The following OR2C1 variants were observed in gnomAD, a reference collection of about 807,000 sequenced individuals.
The protein encoded by OR2C1 is olfactory receptor 2C1.
For missense variants in OR2C1, 468 were observed against 388.3 expected, an observed-to-expected ratio of 1.21 and a Z score of -1.73; for synonymous variants, 209 against 167.3, an observed-to-expected ratio of 1.25 and a Z score of -1.92.
Position 3,356,855 on chromosome 16 carries a change from G to A in OR2C1, c.915G>A (p.Leu305=). The change falls in exon 1 of 1, where the codon CTG becomes CTA. Residue 305 remains leucine, a synonymous_variant. Coordinates refer to ENST00000304936, the MANE Select transcript of OR2C1 (RefSeq NM_012368.3). The stretch of plus-strand genomic sequence containing the variant: ...TGAAGGGCGCACTGAGGAGGTTGCT[G>A]GGGAAAGGAAGAGAAGTTGGCTGAG... ...MEVKGALRRL[L]GKGREVG The A allele has an allele frequency of 2.5e-6, 4 of 1,600,886 alleles. No individual in the cohort carries two copies. The highest frequency in any genetic ancestry group is 1.3e-5 in the African/African-American group (1 of 74,776).
the OR2C1 span, among the ~76,000 whole-genome samples, chr16:3,326,926 C>T: frequency 1.3e-5 from 2 of 152,160 alleles, no homozygotes; most frequent in Non-Finnish European, 2.9e-5. Flanking sequence ...CAAGCATCAC[C>T]TCATACCTAG....
the OR2C1 span, among the ~76,000 whole-genome samples, chr16:3,327,966 C>G: frequency 1.3e-5 from 2 of 152,076 alleles, no homozygotes; most frequent in Admixed American, 1.3e-4. Flanking sequence ...AGCATTTGAC[C>G]ATCCCATTTG....
chr16:3,348,611 A>G, the OR2C1 span, among the ~76,000 whole-genome samples: 1 of 152,162 alleles, frequency 6.6e-6, no homozygotes, highest in Non-Finnish European at 1.5e-5. Context: ...GGCCAGGCCC[A>G]CAGGACAGTG....
At chr16:3,347,862 GCACACA>G in the OR2C1 span, among the ~76,000 whole-genome samples, 28 of 34,960 alleles carry the variant, frequency 8.0e-4, no homozygotes, top group East Asian at 0.03. Context: ...GCACACACGC[GCACACA>G]CACACGCACA....
At chr16:3,348,368 G>A in the OR2C1 span, among the ~76,000 whole-genome samples, 4 of 152,168 alleles carry the variant, frequency 2.6e-5, no homozygotes, top group African/African-American at 7.2e-5. Context: ...CCAGTTCCTC[G>A]TAAGTATGGA....
the OR2C1 span, among the ~76,000 whole-genome samples, chr16:3,342,737 C>T: frequency 2.6e-5 from 4 of 151,996 alleles, no homozygotes; most frequent in Admixed American, 1.3e-4. Flanking sequence ...AATTACCAGG[C>T]GCAGTGGCAG....
rs1477596746 is a variant in OR2C1 at position 3,356,795 on chromosome 16, G to A, written c.855G>A (p.Val285=). ...SLFYSLVTPM[V]NPLIYTLRNM... is the part of the protein sequence containing the mutation. ...TCTACTCGTTGGTCACACCCATGGT[G>A]AATCCCCTCATCTACACGCTGCGGA... Residue 285 remains valine, a synonymous_variant, in exon 1 of 1, where the codon GTG becomes GTA. Transcript: ENST00000304936. The A allele has an allele frequency of 1.2e-6, 2 of 1,614,172 alleles. No homozygotes were observed. Among genetic ancestry groups the A allele is most frequent in the Admixed American group, 1.7e-5 (1 of 60,012 alleles).
At chr16:3,329,785 C>G in the OR2C1 span, among the ~76,000 whole-genome samples, 4 of 90,934 alleles carry the variant, frequency 4.4e-5, no homozygotes, top group South Asian at 1.2e-3. Flanking sequence ...GGTGGAGTCT[C>G]ACTCTGTTGC....
chr16:3,328,666 C>G, the OR2C1 span, among the ~76,000 whole-genome samples: 3 of 152,170 alleles, frequency 2.0e-5, no homozygotes, highest in Non-Finnish European at 2.9e-5. Context: ...TCTGTGCTCA[C>G]CCTCCCTCTC....
chr16:3,348,383 G>A, the OR2C1 span, among the ~76,000 whole-genome samples: 3 of 152,166 alleles, frequency 2.0e-5, no homozygotes, highest in East Asian at 1.9e-4. Context: ...TATGGATTTG[G>A]GAGTTAGACC....
chr16:3,332,720 C>CATATATATATATATATATATAT, the OR2C1 span, among the ~76,000 whole-genome samples: 329 of 148,694 alleles, frequency 2.2e-3, 2 homozygotes, highest in African/African-American at 7.8e-3. Flanking sequence ...TATTCTATTG[C>CATATATATATATATATATATAT]ATATATATAT....
the OR2C1 span, among the ~76,000 whole-genome samples, chr16:3,348,192 G>A: frequency 6.6e-6 from 1 of 152,184 alleles, no homozygotes; most frequent in Non-Finnish European, 1.5e-5. Context: ...ATGCCTATGG[G>A]ACAGTGCAGA....
Position 3,355,993 on chromosome 16 carries a change from C to A in OR2C1, c.53C>A (p.Ser18Ter). The A allele has an allele frequency of 6.2e-7, 1 of 1,613,882 alleles. No homozygotes were observed. Among genetic ancestry groups the A allele is most frequent in the Non-Finnish European group, 8.5e-7 (1 of 1,179,834 alleles). The change falls in exon 1 of 1, where the codon TCA becomes TAA. Residue 18 changes from serine to a stop codon, truncating the protein, a stop_gained. Transcript: ENST00000304936. LOFTEE classifies it low-confidence loss of function (END_TRUNC). Reference sequence around the variant, plus strand: ...CAGGGCTTTGTTCTGATGGGCATATCAGACCATCCCCAGCTGGAGATGATC... The same window carrying A: ...CAGGGCTTTGTTCTGATGGGCATATAAGACCATCCCCAGCTGGAGATGATC... ...SLQGFVLMGI[S>*]DHPQLEMIFF...
chr16:3,327,372 C>T, the OR2C1 span, among the ~76,000 whole-genome samples: 14 of 152,058 alleles, frequency 9.2e-5, no homozygotes, highest in African/African-American at 2.9e-4. Flanking sequence ...CTGCCCTAAA[C>T]CATCTTTGGG....
the OR2C1 span, among the ~76,000 whole-genome samples, chr16:3,347,798 A>G: frequency 6.6e-6 from 1 of 151,316 alleles, no homozygotes; most frequent in African/African-American, 2.4e-5. Flanking sequence ...ACACACATGC[A>G]CACACGCACG....
At chr16:3,351,887 C>CTTTTTTTTTT (rs35692577), upstream of OR2C1, among the ~76,000 whole-genome samples, 1 of 124,582 alleles carries the variant, frequency 8.0e-6, no homozygotes, top group Non-Finnish European at 1.7e-5. Flanking sequence ...AGCATTTAGT[C>CTTTTTTTTTT]TTTTTTTTTT....
chr16:3,345,429 T>G, the OR2C1 span, among the ~76,000 whole-genome samples: 1 of 151,206 alleles, frequency 6.6e-6, no homozygotes, highest in African/African-American at 2.4e-5. Flanking sequence ...GAGCTTGCAG[T>G]GAACGGAGAT....
chr16:3,354,337 A>G (rs914034249), upstream of OR2C1, among the ~76,000 whole-genome samples: 4 of 152,304 alleles, frequency 2.6e-5, no homozygotes, highest in Middle Eastern at 6.8e-3. Context: ...CAGTAGTTAT[A>G]TACCTCAAAA....
chr16:3,328,196 G>T, the OR2C1 span, among the ~76,000 whole-genome samples: 48 of 152,274 alleles, frequency 3.2e-4, 1 homozygote, highest in African/African-American at 1.2e-3. Flanking sequence ...GCTACAAACT[G>T]CTGTGAAAGA....
Sources: allele counts gnomAD v4.1 joint callset (sites outside exome capture counted in the v4.1 genomes callset), GRCh38; gene constraint gnomAD v4.1.1; transcripts MANE v1.5; gene names NCBI Gene and HGNC (gene_info 2026-07-23, HGNC 2026-07-21).